Variants in AP1S3 observed in about 807,000 individuals in gnomAD.
The protein encoded by AP1S3 is AP-1 complex subunit sigma-3.
AP1S3 carries 10 observed loss-of-function variants against 20.9 expected under a neutral mutation model. The ratio of observed to expected loss-of-function variants is 0.48; its 90% CI spans 0.29 to 0.81. The LOEUF is 0.81. Among genes scored for constraint, AP1S3 ranks in the 30% least tolerant of loss-of-function variants. AP1S3 has a pLI of 0.08. For synonymous variants in AP1S3, 41 were observed against 61.5 expected (o/e 0.67, Z 1.56); for missense variants, 154 against 183.8 (o/e 0.84, Z 0.94).
Position 223,758,646 on chromosome 2 carries a change from C to T in AP1S3, c.*69G>A, listed in dbSNP as rs1007050093. 2.9e-5 allele frequency: 43 copies of T among 1,472,744 alleles called. No individual in the cohort carries two copies. Among genetic ancestry groups the T allele is most frequent in the East Asian group, 2.2e-4 (9 of 40,162 alleles). 91.2% of individuals were successfully genotyped at this position (1,472,744 alleles called of 1,614,324 possible). On this transcript the variant is annotated 3_prime_UTR_variant, in exon 5 of 5. Coordinates refer to ENST00000396654, the MANE Select transcript of AP1S3 (RefSeq NM_001039569.2). The stretch of plus-strand genomic sequence containing the variant: ...GGTGCCTGAGGCTCCATCAAAAAAC[C>T]GGATGGGAGGCGTTGCTTATTTACA...
At chr2:223,833,881 T>TA (rs1491571434) in intron 1 of AP1S3, among the ~76,000 whole-genome samples, 11 of 135,218 alleles carry the variant, frequency 8.1e-5, no homozygotes, top group African/African-American at 2.4e-4. Flanking sequence ...CTTTACACTC[T>TA]TTTTATTTAT....
At chr2:223,820,668 G>GAAA (rs1242596885) in intron 1 of AP1S3, among the ~76,000 whole-genome samples, 83 of 118,166 alleles carry the variant, frequency 7.0e-4, no homozygotes, top group Middle Eastern at 8.7e-3. Flanking sequence ...CAAACTAGGA[G>GAAA]AAAAAAAAAA....
chr2:223,828,058 T>TAAAAAAAAAAAAAAAA (rs527671959), intron 1 of AP1S3, among the ~76,000 whole-genome samples: 5 of 94,666 alleles, frequency 5.3e-5, no homozygotes, highest in African/African-American at 1.2e-4. Context: ...AGACTTCATC[T>TAAAAAAAAAAAAAAAA]AAAAAAAAAA....
At chr2:223,813,819 C>T (rs1339282751) in intron 1 of AP1S3, among the ~76,000 whole-genome samples, 1 of 152,164 alleles carries the variant, frequency 6.6e-6, no homozygotes, top group Non-Finnish European at 1.5e-5. Context: ...GGGTCCCATG[C>T]TTAGAATCAT....
At chr2:223,833,272 A>ACATG (rs1206348295) in intron 1 of AP1S3, among the ~76,000 whole-genome samples, 53 of 152,236 alleles carry the variant, frequency 3.5e-4, no homozygotes, top group African/African-American at 1.2e-3. Flanking sequence ...ATACATACAT[A>ACATG]CATACATACA....
chr2:223,788,775 A>G lies in AP1S3; in HGVS notation c.4-10906T>C, dbSNP rs1691135579. 2.0e-5 allele frequency among the ~76,000 whole-genome samples: 3 copies of G among 150,794 alleles called. No homozygotes were observed. The South Asian group carries it at 6.2e-4, about 31-fold the overall frequency. On this transcript the variant is annotated intron_variant, in intron 1 of 4. Coordinates refer to ENST00000396654, the MANE Select transcript of AP1S3 (RefSeq NM_001039569.2). ...CAAGACTCTGTCTAAAAAAAAAAAA[A>G]AAAAAAGAAGAAGAAGAAGAAGAGA...
At chr2:223,836,904 C>T (rs1692414783) in intron 1 of AP1S3, among the ~76,000 whole-genome samples, 1 of 152,122 alleles carries the variant, frequency 6.6e-6, no homozygotes, top group Admixed American at 6.6e-5. Context: ...CTCCGCTTTG[C>T]TCTCTCTAAT....
chr2:223,812,558 T>C (rs543905579), intron 1 of AP1S3, among the ~76,000 whole-genome samples: 1 of 152,254 alleles, frequency 6.6e-6, no homozygotes, highest in Admixed American at 6.5e-5. Context: ...GAGCAGTAAA[T>C]TTTGGTTCCC....
intron 1 of AP1S3, among the ~76,000 whole-genome samples, chr2:223,780,343 A>AGTGT (rs1559280827): frequency 1.8e-4 from 21 of 115,004 alleles, no homozygotes; most frequent in East Asian, 1.1e-3. Context: ...AGAGAGAGAG[A>AGTGT]GAGAGAGAGA....
intron 1 of AP1S3, among the ~76,000 whole-genome samples, chr2:223,824,046 C>T (rs1692058622): frequency 6.6e-6 from 1 of 152,102 alleles, no homozygotes; most frequent in Non-Finnish European, 1.5e-5. Flanking sequence ...CACTAGAGCG[C>T]AGTGGTGTGA....
Position 223,794,322 on chromosome 2 carries a change from C to T in AP1S3, c.4-16453G>A, listed in dbSNP as rs151101763. On this transcript the variant is annotated intron_variant, in intron 1 of 4. Coordinates refer to ENST00000396654, the MANE Select transcript of AP1S3 (RefSeq NM_001039569.2). The stretch of plus-strand genomic sequence containing the variant: ...CTAACACTATTGCGCCACTGCACTC[C>T]AGTCTGGGCGACACAGAGAGACTCT... Among the ~76,000 whole-genome samples, 607 of 151,986 alleles carry T rather than the reference C, an allele frequency of 4.0e-3. 6 individuals are homozygous for T. Among genetic ancestry groups the T allele is most frequent in the African/African-American group, 0.014 (568 of 41,462 alleles).
rs747611108 is a variant in AP1S3, at chr2:223,758,670, C to T, written c.*45G>A. 1 of 1,540,314 alleles carries T rather than the reference C, an allele frequency of 6.5e-7. No individual in the cohort carries two copies. The highest frequency in any genetic ancestry group is 1.3e-5 in the South Asian group (1 of 74,266). On this transcript the variant is annotated 3_prime_UTR_variant, in exon 5 of 5. Transcript: ENST00000396654. ...CCGGATGGGAGGCGTTGCTTATTTA[C>T]AGCTTCATAACATGTAGTGCTGGAG...
At chr2:223,821,308 A>G (rs1477136852) in intron 1 of AP1S3, among the ~76,000 whole-genome samples, 1 of 152,100 alleles carries the variant, frequency 6.6e-6, no homozygotes, top group Non-Finnish European at 1.5e-5. Context: ...GGCACCCGCC[A>G]CCACACCCAG....
intron 1 of AP1S3, among the ~76,000 whole-genome samples, chr2:223,801,209 T>TA (rs1335294522): frequency 6.6e-6 from 1 of 152,198 alleles, no homozygotes; most frequent in African/African-American, 2.4e-5. Flanking sequence ...CCATGAGAAG[T>TA]AGATACTATT....
chr2:223,790,020 T>C (rs552659569), intron 1 of AP1S3, among the ~76,000 whole-genome samples: 89 of 152,186 alleles, frequency 5.8e-4, no homozygotes, highest in African/African-American at 1.9e-3. Flanking sequence ...CAATGAATTT[T>C]AGAAGCCCAT....
intron 3 of AP1S3, chr2:223,773,347 C>G: frequency 7.7e-7 from 1 of 1,303,744 alleles, no homozygotes; most frequent in South Asian, 1.2e-5. Flanking sequence ...TGCAAAAGGC[C>G]AAGTCTGTAG....
chr2:223,763,140 G>C (rs1293092263), intron 4 of AP1S3, among the ~76,000 whole-genome samples: 3 of 152,266 alleles, frequency 2.0e-5, no homozygotes, highest in Middle Eastern at 3.4e-3. Flanking sequence ...CGCAACAGAA[G>C]AGACTGAGAG....
At chr2:223,820,649 CAGT>C (rs1691965182) in intron 1 of AP1S3, among the ~76,000 whole-genome samples, 1 of 139,028 alleles carries the variant, frequency 7.2e-6, no homozygotes, top group Non-Finnish European at 1.5e-5. Flanking sequence ...AATGATGATT[CAGT>C]GATTCCAAAC....
In AP1S3 at chr2:223,802,298, T is replaced by C. The variant is rs550210335; in HGVS notation, c.4-24429A>G. On this transcript the variant is annotated intron_variant, in intron 1 of 4. Coordinates refer to ENST00000396654, the MANE Select transcript of AP1S3 (RefSeq NM_001039569.2). The stretch of plus-strand genomic sequence containing the variant: ...TCTTCCTTATTAAGAAAGCATCCAG[T>C]TTTATTTTATTTTTTTTTTTTGGAG... Among the ~76,000 whole-genome samples, 7 of 129,244 alleles carry C rather than the reference T, an allele frequency of 5.4e-5. No homozygotes were observed. In the East Asian group the frequency reaches 1.6e-3, roughly 29 times the overall value. The allele number at this position is 129,244 out of a possible 152,430, so 84.8% of individuals were successfully genotyped here. A position where few individuals can be genotyped will look rare whatever the true frequency, so the allele number is the denominator to read the frequency against.
Sources: gnomAD v4.1 joint callset for allele counts (sites outside exome capture counted in the v4.1 genomes callset) on GRCh38, gnomAD v4.1.1 for gene constraint, MANE v1.5 for transcripts, NCBI Gene and HGNC (gene_info 2026-07-23, HGNC 2026-07-21) for gene names.